IGLL5: variants seen among roughly 807,000 people sequenced by gnomAD.
IGLL5 encodes immunoglobulin lambda-like polypeptide 5.
In IGLL5, 30 loss-of-function variants were observed where a neutral mutation model predicts 20.9. The observed-to-expected ratio is 1.44, with a 90% CI of 1.07 to 1.95. IGLL5 has a LOEUF of 1.95. Ranked by LOEUF, IGLL5 falls within the 30% of genes most tolerant of loss-of-function variation. The pLI is 0.00. For synonymous variants in IGLL5, 203 were observed against 117.3 expected, an observed-to-expected ratio of 1.73 and a Z score of -4.72; for missense variants, 475 against 270.7, an observed-to-expected ratio of 1.75 and a Z score of -5.30.
intron 2 of IGLL5, among the ~76,000 whole-genome samples, chr22:22,894,124 C>T (rs543632029): frequency 2.0e-5 from 3 of 151,460 alleles, no homozygotes; most frequent in Admixed American, 6.6e-5. Flanking sequence ...TGATGAGGGG[C>T]CCTGCAGTGT....
At chr22:22,894,862 C>T (rs992089549) in intron 2 of IGLL5, among the ~76,000 whole-genome samples, 10 of 151,258 alleles carry the variant, frequency 6.6e-5, no homozygotes, top group African/African-American at 2.2e-4. Flanking sequence ...GGGCAGAGCC[C>T]GGTGCCTGTG....
At chr22:22,894,348 G>T (rs541455798) in intron 2 of IGLL5, among the ~76,000 whole-genome samples, 1 of 151,398 alleles carries the variant, frequency 6.6e-6, no homozygotes, top group African/African-American at 2.4e-5. Context: ...CACAGAGAGG[G>T]CTCTGGGTCT....
At chr22:22,894,584 A>G (rs2066670860) in intron 2 of IGLL5, among the ~76,000 whole-genome samples, 1 of 151,262 alleles carries the variant, frequency 6.6e-6, no homozygotes, top group African/African-American at 2.4e-5. Context: ...GGCATGTTAG[A>G]CTCAGGAAAT....
At position 22,888,059 on chromosome 22, in the gene IGLL5, A is replaced by T. The variant is rs567266097; in HGVS notation, c.6A>T (p.Arg2Ser). M[R>S]PKTGQVGCET... ...GCCCCTGAACCTGAAGGCCAATGAG[A>T]CCCAAGACAGGCCAAGTGGGTTGTG... Residue 2 changes from arginine to serine, a missense_variant, in exon 1 of 3, where the codon AGA (arginine) becomes AGT (serine). Transcript: ENST00000526893. 1.3e-6 allele frequency: 2 copies of T among 1,549,014 alleles called. No individual in the cohort carries two copies. The highest frequency in any genetic ancestry group is 1.7e-6 in the Non-Finnish European group (2 of 1,146,434).
intron 2 of IGLL5, among the ~76,000 whole-genome samples, chr22:22,894,590 G>C (rs2066671703): frequency 6.6e-6 from 1 of 151,460 alleles, no homozygotes; most frequent in African/African-American, 2.4e-5. Flanking sequence ...TTAGACTCAG[G>C]AAATGACCAG....
chr22:22,894,422 A>G (rs564232278), intron 2 of IGLL5, among the ~76,000 whole-genome samples: 12 of 151,392 alleles, frequency 7.9e-5, no homozygotes, highest in East Asian at 4.0e-4. Context: ...GACGGGTGAG[A>G]CTGGGTGAGG....
intron 1 of IGLL5, among the ~76,000 whole-genome samples, chr22:22,889,042 C>G (rs543595055): frequency 2.0e-5 from 3 of 151,336 alleles, no homozygotes; most frequent in Admixed American, 6.6e-5. Flanking sequence ...GTGCACCATT[C>G]CCAGTCCAGG....
At position 22,893,502 on chromosome 22, in the gene IGLL5, T is replaced by C. The variant is rs887138463; in HGVS notation, c.207-198T>C. Among the ~76,000 whole-genome samples the C allele has an allele frequency of 1.2e-3, 176 of 151,088 alleles. 1 individual carries two copies. Among genetic ancestry groups the C allele is most frequent in the Non-Finnish European group, 3.4e-4 (23 of 67,822 alleles). ...TCACTCAGGGAGTTGCTGGGACCTA[T>C]GGGTCCCAGTGTTGTCATCAGCACC... On this transcript the variant is annotated intron_variant, in intron 1 of 2. Coordinates refer to ENST00000526893, the MANE Select transcript of IGLL5 (RefSeq NM_001178126.2).
intron 2 of IGLL5, among the ~76,000 whole-genome samples, chr22:22,894,521 T>C (rs1229434735): frequency 6.6e-6 from 1 of 151,396 alleles, no homozygotes; most frequent in African/African-American, 2.4e-5. Context: ...CCCCGTCACC[T>C]CTGGGGCCCA....
intron 2 of IGLL5, 118 bp downstream of exon 2, chr22:22,893,936 C>CT: frequency 1.3e-6 from 1 of 777,908 alleles, no homozygotes; most frequent in East Asian, 2.5e-5. Flanking sequence ...CTGACCCTTA[C>CT]CTTTCTCCAT....
intron 1 of IGLL5, among the ~76,000 whole-genome samples, chr22:22,888,793 G>GC: frequency 6.6e-6 from 1 of 151,424 alleles, no homozygotes; most frequent in South Asian, 2.1e-4. Flanking sequence ...GGGAGGGTGG[G>GC]ATGAACCGAG....
intron 1 of IGLL5, among the ~76,000 whole-genome samples, chr22:22,891,752 A>C (rs1239536327): frequency 2.0e-5 from 3 of 151,322 alleles, no homozygotes; most frequent in African/African-American, 7.3e-5. Flanking sequence ...TTGTAAATAT[A>C]ATTTTATTGA....
At chr22:22,894,463 C>A in intron 2 of IGLL5, among the ~76,000 whole-genome samples, 1 of 151,330 alleles carries the variant, frequency 6.6e-6, no homozygotes, top group South Asian at 2.1e-4. Flanking sequence ...AGGACAGTCA[C>A]CAGAAAGGAG....
At chr22:22,889,365 T>G (rs537179868) in intron 1 of IGLL5, among the ~76,000 whole-genome samples, 3 of 151,216 alleles carry the variant, frequency 2.0e-5, no homozygotes, top group South Asian at 2.1e-4. Flanking sequence ...TATAACCATT[T>G]TAGCAACAGG....
intron 1 of IGLL5, among the ~76,000 whole-genome samples, chr22:22,888,984 G>A (rs576846645): frequency 2.0e-5 from 3 of 151,398 alleles, no homozygotes; most frequent in Admixed American, 6.6e-5. Flanking sequence ...GATGAGGCTG[G>A]GAGCTCCTGG....
intron 2 of IGLL5, among the ~76,000 whole-genome samples, chr22:22,894,543 T>C (rs533157232): frequency 2.6e-5 from 4 of 151,504 alleles, no homozygotes; most frequent in Middle Eastern, 3.7e-3. Flanking sequence ...TGTCTCTCTG[T>C]TCACGGATCG....
intron 1 of IGLL5, among the ~76,000 whole-genome samples, chr22:22,889,764 G>C (rs1321043154): frequency 6.6e-6 from 1 of 151,226 alleles, no homozygotes; most frequent in Non-Finnish European, 1.5e-5. Flanking sequence ...ATTTTGATTA[G>C]GATTATTATT....
chr22:22,891,999 C>T (rs2067863008), intron 1 of IGLL5, among the ~76,000 whole-genome samples: 1 of 151,104 alleles, frequency 6.6e-6, no homozygotes, highest in Non-Finnish European at 1.5e-5. Flanking sequence ...ACCTCCTTCT[C>T]TCCCCCTTTT....
At position 22,896,100 on chromosome 22, in the gene IGLL5, A is replaced by C; in HGVS notation, c.*406A>C. The C allele has an allele frequency of 6.0e-6, 2 of 332,324 alleles. No homozygotes were observed. The highest frequency in any genetic ancestry group is 3.0e-5 in the South Asian group (1 of 33,662). The allele number at this position is 332,324 out of a possible 1,614,324, so 20.6% of individuals were successfully genotyped here. On this transcript the variant is annotated 3_prime_UTR_variant, in exon 3 of 3. Coordinates refer to ENST00000526893, the MANE Select transcript of IGLL5 (RefSeq NM_001178126.2). The stretch of plus-strand genomic sequence containing the variant: ...TTTACTTCTCAATAAATACCTGATC[A>C]TGTAAAACGCAGCATTTCTAATGTG...
Sources: allele counts gnomAD v4.1 joint callset (sites outside exome capture counted in the v4.1 genomes callset), GRCh38; gene constraint gnomAD v4.1.1; transcripts MANE v1.5; gene names NCBI Gene and HGNC (gene_info 2026-07-23, HGNC 2026-07-21).